Variants in ZNF407 observed in about 807,000 individuals in gnomAD.
ZNF407 encodes the protein zinc finger protein 407.
ZNF407 carries 17 observed loss-of-function variants against 131.2 expected under a neutral mutation model. That is an observed-to-expected ratio of 0.13 (90% CI 0.09 to 0.19). The LOEUF (loss-of-function observed/expected upper bound fraction) is 0.19. ZNF407 is among the 10% of genes least tolerant of loss of function. ZNF407 has a pLI of 1.00. For synonymous variants in ZNF407, 1,156 were observed against 1,062.0 expected (o/e 1.09, Z -1.72); for missense variants, 2,681 against 2,830.6 (o/e 0.95, Z 1.20).
chr18:74,880,745 A>G (rs1055869652), intron 5 of ZNF407, among the ~76,000 whole-genome samples: 2 of 152,226 alleles, frequency 1.3e-5, no homozygotes, highest in Non-Finnish European at 2.9e-5. Flanking sequence ...AAACTGTTCA[A>G]GTGCATAAAG....
intron 4 of ZNF407, among the ~76,000 whole-genome samples, chr18:74,808,004 C>T (rs1245613394): frequency 1.3e-5 from 2 of 152,078 alleles, no homozygotes; most frequent in East Asian, 3.9e-4. Flanking sequence ...AGGAGTATGC[C>T]ACAGCACCTC....
At chr18:74,984,103 A>ATTTGTC in intron 8 of ZNF407, among the ~76,000 whole-genome samples, 1 of 152,376 alleles carries the variant, frequency 6.6e-6, no homozygotes, top group Admixed American at 6.5e-5. Flanking sequence ...TTGACTTTAG[A>ATTTGTC]AAGGCTAGGG....
chr18:75,015,093 G>C (rs997176141), intron 8 of ZNF407, among the ~76,000 whole-genome samples: 9 of 152,122 alleles, frequency 5.9e-5, no homozygotes, highest in African/African-American at 2.2e-4. Context: ...TTTGCCTTTT[G>C]CTTTTGCTGT....
intron 4 of ZNF407, among the ~76,000 whole-genome samples, chr18:74,859,391 C>G (rs577514387): frequency 6.6e-6 from 1 of 152,036 alleles, no homozygotes; most frequent in African/African-American, 2.4e-5. Context: ...TAGTATTTAA[C>G]GTGTAACACT....
At chr18:74,652,911 C>G (rs1339995318) in intron 3 of ZNF407, among the ~76,000 whole-genome samples, 1 of 151,926 alleles carries the variant, frequency 6.6e-6, no homozygotes, top group Non-Finnish European at 1.5e-5. Context: ...TCAAATCAGT[C>G]ATATAAGCTA....
chr18:74,790,815 A>G (rs190138424), intron 4 of ZNF407, among the ~76,000 whole-genome samples: 4 of 152,332 alleles, frequency 2.6e-5, no homozygotes, highest in Admixed American at 2.0e-4. Flanking sequence ...TTTGTGAGGA[A>G]TTTTCAGGAA....
chr18:74,652,881 A>G (rs1261307811), intron 3 of ZNF407, among the ~76,000 whole-genome samples: 3 of 151,998 alleles, frequency 2.0e-5, no homozygotes. Context: ...GTGAGTTTGG[A>G]ATAAATTTAA....
intron 8 of ZNF407, among the ~76,000 whole-genome samples, chr18:74,937,716 A>G (rs189620596): frequency 6.8e-4 from 103 of 152,348 alleles, no homozygotes; most frequent in Non-Finnish European, 1.0e-3. Context: ...AAATATGTCT[A>G]CCATATTTTA....
At chr18:74,789,855 G>T (rs867543294) in intron 4 of ZNF407, among the ~76,000 whole-genome samples, 11 of 138,616 alleles carry the variant, frequency 7.9e-5, no homozygotes, top group Admixed American at 2.1e-4. Flanking sequence ...TTTGTATCTG[G>T]TTTTTTTTTT....
At chr18:74,785,668 A>G (rs1439021931) in intron 4 of ZNF407, among the ~76,000 whole-genome samples, 2 of 152,232 alleles carry the variant, frequency 1.3e-5, no homozygotes, top group Non-Finnish European at 2.9e-5. Flanking sequence ...AAGTTTACAC[A>G]GGAGCGTCAC....
intron 7 of ZNF407, among the ~76,000 whole-genome samples, chr18:74,918,385 G>C (rs1971800974): frequency 6.6e-6 from 1 of 152,306 alleles, no homozygotes. Flanking sequence ...CTTCTTCTCT[G>C]TGAATTGTGT....
chr18:74,629,255 G>A (rs1983939711), intron 1 of ZNF407, among the ~76,000 whole-genome samples: 1 of 152,162 alleles, frequency 6.6e-6, no homozygotes, highest in African/African-American at 2.4e-5. Context: ...ATCTTAGTGG[G>A]TTTGAAATGG....
At chr18:75,040,443 G>A (rs1973359883) in intron 8 of ZNF407, among the ~76,000 whole-genome samples, 1 of 152,134 alleles carries the variant, frequency 6.6e-6, no homozygotes, top group Non-Finnish European at 1.5e-5. Flanking sequence ...GGAAGATTCT[G>A]TCTTCCTCTA....
chr18:74,724,910 A>C (rs1173087957), intron 3 of ZNF407, among the ~76,000 whole-genome samples: 2 of 152,232 alleles, frequency 1.3e-5, no homozygotes, highest in African/African-American at 4.8e-5. Flanking sequence ...TATTACACAC[A>C]ATTAAAATGC....
At chr18:74,938,341 G>A (rs985549066) in intron 8 of ZNF407, among the ~76,000 whole-genome samples, 3 of 152,150 alleles carry the variant, frequency 2.0e-5, no homozygotes, top group African/African-American at 7.2e-5. Context: ...CTACAATGTA[G>A]ACTTTCTGTA....
intron 8 of ZNF407, among the ~76,000 whole-genome samples, chr18:75,012,301 T>TAGCAG (rs1568300448): frequency 4.4e-5 from 5 of 112,490 alleles, no homozygotes; most frequent in South Asian, 2.8e-4. Flanking sequence ...ACATAGTGTA[T>TAGCAG]GTACACATAG....
At chr18:74,957,307 C>G (rs1306281948) in intron 8 of ZNF407, among the ~76,000 whole-genome samples, 1 of 152,142 alleles carries the variant, frequency 6.6e-6, no homozygotes, top group East Asian at 1.9e-4. Context: ...CTCAGCCAAC[C>G]GTGAGTCAGT....
chr18:74,898,955 G>T (rs1425733040), intron 7 of ZNF407, among the ~76,000 whole-genome samples: 1 of 152,182 alleles, frequency 6.6e-6, no homozygotes, highest in Non-Finnish European at 1.5e-5. Flanking sequence ...TGAGTTAAAA[G>T]TTTAAGACTC....
At position 74,997,226 on chromosome 18, in the gene ZNF407, G is replaced by A. The variant is rs555805425; in HGVS notation, c.5429-65924G>A. Among the ~76,000 whole-genome samples, 7 of 152,228 alleles carry A rather than the reference G, an allele frequency of 4.6e-5. No homozygotes were observed. The South Asian group carries it at 8.3e-4, about 18-fold the overall frequency. ...CAAGCTCTCAAGGAGTTACAAAATC[G>A]ATTTCTGCTTGAATGAATTAATTTA... On this transcript the variant is annotated intron_variant, in intron 8 of 8. Transcript: ENST00000299687.
Sources: gnomAD v4.1 joint callset for allele counts (sites outside exome capture counted in the v4.1 genomes callset) on GRCh38, gnomAD v4.1.1 for gene constraint, MANE v1.5 for transcripts, NCBI Gene and HGNC (gene_info 2026-07-23, HGNC 2026-07-21) for gene names.